ANKRD44: variants seen among roughly 807,000 people sequenced by gnomAD.
ANKRD44 encodes the protein ankyrin repeat domain 44, also known as serine/threonine-protein phosphatase 6 regulatory ankyrin repeat subunit B.
Under a neutral mutation model 116.0 loss-of-function variants are expected in ANKRD44, and 35 were observed. That is an observed-to-expected ratio of 0.30 (90% CI 0.23 to 0.40). The LOEUF is 0.40. ANKRD44 is among the 10% of genes least tolerant of loss of function. The probability of loss-of-function intolerance (pLI) is 1.00; values close to 1 mark genes in which losing one functional copy is unlikely to be tolerated. For missense variants in ANKRD44, 1,014 were observed against 1,242.6 expected (o/e 0.82, Z 2.77); for synonymous variants, 435 against 461.8 (o/e 0.94, Z 0.74).
At chr2:197,119,403 T>C (rs1196868733) in intron 8 of ANKRD44, among the ~76,000 whole-genome samples, 2 of 152,070 alleles carry the variant, frequency 1.3e-5, no homozygotes, top group Non-Finnish European at 2.9e-5. Flanking sequence ...CTCCTTTCTG[T>C]CATACAATTA....
chr2:197,035,613 A>T (rs914836994), intron 16 of ANKRD44, among the ~76,000 whole-genome samples: 1 of 152,180 alleles, frequency 6.6e-6, no homozygotes, highest in African/African-American at 2.4e-5. Flanking sequence ...CTTCAAGTCT[A>T]TGAAGGGGTG....
intron 1 of ANKRD44, among the ~76,000 whole-genome samples, chr2:197,200,954 T>C (rs1213641787): frequency 6.6e-6 from 1 of 152,254 alleles, no homozygotes; most frequent in African/African-American, 2.4e-5. Context: ...AATTGTTAAA[T>C]ATGATTTGAA....
chr2:197,239,378 T>C (rs186263202), intron 1 of ANKRD44, among the ~76,000 whole-genome samples: 2 of 152,268 alleles, frequency 1.3e-5, no homozygotes, highest in Admixed American at 1.3e-4. Context: ...ACTACAGGCA[T>C]GAGCCACCAT....
At chr2:197,298,952 T>G (rs1032835629) in intron 1 of ANKRD44, among the ~76,000 whole-genome samples, 3 of 151,580 alleles carry the variant, frequency 2.0e-5, no homozygotes, top group African/African-American at 7.3e-5. Context: ...AATGCTAGAG[T>G]TTTATAGTTT....
chr2:197,288,165 C>T (rs1268876252), intron 1 of ANKRD44, among the ~76,000 whole-genome samples: 1 of 152,020 alleles, frequency 6.6e-6, no homozygotes, highest in African/African-American at 2.4e-5. Context: ...CTTTCAAATA[C>T]CATGATATTC....
chr2:197,020,833 T>C (rs1359702290), intron 17 of ANKRD44, among the ~76,000 whole-genome samples: 1 of 151,656 alleles, frequency 6.6e-6, no homozygotes, highest in Non-Finnish European at 1.5e-5. Context: ...AGTTCTAGGG[T>C]ACATGTGCAC....
At chr2:197,090,190 T>A (rs1212206511) in intron 10 of ANKRD44, among the ~76,000 whole-genome samples, 158 bp from the exon 11 acceptor site, 1 of 151,994 alleles carries the variant, frequency 6.6e-6, no homozygotes, top group Admixed American at 6.5e-5. Flanking sequence ...AATAAATAAT[T>A]ATGCAATCAG....
At chr2:197,275,112 T>A (rs1005314420) in intron 1 of ANKRD44, among the ~76,000 whole-genome samples, 1 of 151,544 alleles carries the variant, frequency 6.6e-6, no homozygotes, top group Non-Finnish European at 1.5e-5. Flanking sequence ...TTGTCTCTTT[T>A]CTCTTTTTTT....
chr2:197,239,454 C>T (rs1315911197), intron 1 of ANKRD44, among the ~76,000 whole-genome samples: 1 of 152,196 alleles, frequency 6.6e-6, no homozygotes, highest in Non-Finnish European at 1.5e-5. Flanking sequence ...TGGTCTCAAA[C>T]TCCTGGGCTC....
At chr2:197,118,637 G>GAGAGAGAGAGAAAGAAAGAA (rs773839262) in intron 8 of ANKRD44, among the ~76,000 whole-genome samples, 18 of 112,440 alleles carry the variant, frequency 1.6e-4, no homozygotes, top group African/African-American at 6.0e-4. Context: ...GAGAGAGAGA[G>GAGAGAGAGAGAAAGAAAGAA]AGAAAGAAAG....
In ANKRD44 at chr2:196,986,991, T is replaced by G; in HGVS notation, c.*2600A>C. ...GCAAAATATAACACTGGCACCAGAT[T>G]TGTATCATCGTGCTTTACAAAGATA... On this transcript the variant is annotated 3_prime_UTR_variant, in exon 28 of 28. Coordinates refer to ENST00000282272, the MANE Select transcript of ANKRD44 (RefSeq NM_001195144.2). The G allele has an allele frequency of 2.0e-6, 2 of 985,426 alleles. No individual in the cohort carries two copies. Among genetic ancestry groups the G allele is most frequent in the Non-Finnish European group, 2.4e-6 (2 of 829,902 alleles). The allele number at this position is 985,426 out of a possible 1,614,324, so 61.0% of individuals were successfully genotyped here. A position where few individuals can be genotyped will look rare whatever the true frequency, so the allele number is the denominator to read the frequency against.
At position 197,203,491 on chromosome 2, in the gene ANKRD44, T is replaced by A. The variant is rs769906915; in HGVS notation, c.28-16385A>T. Among the ~76,000 whole-genome samples the A allele has an allele frequency of 6.6e-6, 1 of 152,188 alleles. No individual in the cohort carries two copies. Among genetic ancestry groups the A allele is most frequent in the Non-Finnish European group, 1.5e-5 (1 of 68,036 alleles). The stretch of plus-strand genomic sequence containing the variant: ...GTGAAGAAATTGGAACATTGCTGAT[T>A]GGAATGTATAATAGTGCAGCTGCTG... On this transcript the variant is annotated intron_variant, in intron 1 of 27. Transcript: ENST00000282272. This position sits in a 1 kb window ranked among gnomAD's most constrained non-coding sequence, Gnocchi z 4.1.
chr2:197,268,324 G>C (rs557548867), intron 1 of ANKRD44, among the ~76,000 whole-genome samples: 1 of 152,190 alleles, frequency 6.6e-6, no homozygotes, highest in Non-Finnish European at 1.5e-5. Context: ...ACTGGGGCAC[G>C]GGAAATAGGA....
chr2:197,274,968 G>A (rs374901399), intron 1 of ANKRD44, among the ~76,000 whole-genome samples: 41 of 152,166 alleles, frequency 2.7e-4, no homozygotes, highest in African/African-American at 9.9e-4. Context: ...CAGGTGTGGT[G>A]GCATGCACCT....
chr2:197,198,441 T>A (rs2081011957), intron 1 of ANKRD44, among the ~76,000 whole-genome samples: 1 of 152,156 alleles, frequency 6.6e-6, no homozygotes, highest in Admixed American at 6.6e-5. Flanking sequence ...GCTCTGGGGA[T>A]GGAGTACCGC....
At chr2:197,015,836 G>A (rs1362367853) in intron 17 of ANKRD44, 2 of 511,864 alleles carry the variant, frequency 3.9e-6, no homozygotes, top group African/African-American at 3.9e-5. Context: ...GGAAACTTTG[G>A]TGGTGGTACC....
At chr2:197,098,797 T>C (rs1025708271) in intron 10 of ANKRD44, among the ~76,000 whole-genome samples, 1 of 152,178 alleles carries the variant, frequency 6.6e-6, no homozygotes, top group Non-Finnish European at 1.5e-5. Flanking sequence ...TAAGTACTAG[T>C]ATTACTAGTA....
At chr2:197,138,729 C>A (rs192773115) in intron 3 of ANKRD44, among the ~76,000 whole-genome samples, 121 of 152,270 alleles carry the variant, frequency 7.9e-4, no homozygotes, top group Non-Finnish European at 1.4e-3. Context: ...GTCTAGTAAG[C>A]CGAGTGCACA....
At chr2:197,301,757 C>T (rs2083914112) in intron 1 of ANKRD44, among the ~76,000 whole-genome samples, 1 of 152,190 alleles carries the variant, frequency 6.6e-6, no homozygotes, top group African/African-American at 2.4e-5. Context: ...TTACTATGCA[C>T]CTTACCCTGT....
Sources: gnomAD v4.1 joint callset for allele counts (sites outside exome capture counted in the v4.1 genomes callset) on GRCh38, gnomAD v4.1.1 for gene constraint, Gnocchi (gnomAD v3.1) non-coding constraint, MANE v1.5 for transcripts, NCBI Gene and HGNC (gene_info 2026-07-23, HGNC 2026-07-21) for gene names.